Variants in DLGAP1 observed in about 807,000 individuals in gnomAD.
The protein encoded by DLGAP1 is disks large-associated protein 1.
Under a neutral mutation model 90.8 loss-of-function variants are expected in DLGAP1, and 11 were observed. The observed-to-expected ratio is 0.12, with a 90% CI of 0.08 to 0.20. The LOEUF (loss-of-function observed/expected upper bound fraction) is 0.20. Among genes scored for constraint, DLGAP1 ranks in the 10% least tolerant of loss-of-function variants. DLGAP1 has a pLI of 1.00. For missense variants in DLGAP1, 1,050 were observed against 1,333.8 expected (o/e 0.79, Z 3.31); for synonymous variants, 558 against 540.7 (o/e 1.03, Z -0.44).
chr18:4,248,235 C>A (rs1598721903), intron 1 of DLGAP1, among the ~76,000 whole-genome samples: 1 of 152,258 alleles, frequency 6.6e-6, no homozygotes, highest in African/African-American at 2.4e-5. Context: ...AGCATGAATG[C>A]TGACTTTAAA....
chr18:3,905,743 AGT>A (rs1281360504), intron 3 of DLGAP1, among the ~76,000 whole-genome samples: 2 of 152,210 alleles, frequency 1.3e-5, no homozygotes, highest in East Asian at 3.8e-4. Context: ...AGATCCCCAA[AGT>A]GTGTTATGTG....
intron 2 of DLGAP1, among the ~76,000 whole-genome samples, chr18:4,008,171 C>CA (rs2074342707): frequency 6.6e-6 from 1 of 151,478 alleles, no homozygotes; most frequent in Admixed American, 6.6e-5. Flanking sequence ...TCAGTGGATG[C>CA]CTGATGCCCC....
At position 3,499,637 on chromosome 18, in the gene DLGAP1, C is replaced by T. The variant is rs538852439; in HGVS notation, c.2725-243G>A. Among the ~76,000 whole-genome samples the T allele has an allele frequency of 6.6e-6, 1 of 152,062 alleles. No individual in the cohort carries two copies. Among genetic ancestry groups the T allele is most frequent in the African/African-American group, 2.4e-5 (1 of 41,408 alleles). On this transcript the variant is annotated intron_variant, in intron 12 of 12. Transcript: ENST00000315677. The surrounding 1 kb of genome is among the most constrained non-coding windows in gnomAD (Gnocchi z 6.4). ...GGCTGGGTTGCAGAACTAGGTCTCTCCAAGGGAAGGAAGTGGGTATTTTAA... is the reference window on the plus strand; with the variant it reads ...GGCTGGGTTGCAGAACTAGGTCTCTTCAAGGGAAGGAAGTGGGTATTTTAA...
chr18:3,788,943 GA>G (rs1439936511), intron 5 of DLGAP1, among the ~76,000 whole-genome samples: 1 of 152,234 alleles, frequency 6.6e-6, no homozygotes, highest in African/African-American at 2.4e-5. Flanking sequence ...GTTCTGTGGT[GA>G]TATTACAGCT....
intron 2 of DLGAP1, among the ~76,000 whole-genome samples, chr18:4,085,010 G>C (rs1258311464): frequency 2.0e-5 from 3 of 152,180 alleles, no homozygotes; most frequent in South Asian, 4.1e-4. Context: ...ACTGCAGACT[G>C]CAAGTCTATG....
intron 1 of DLGAP1, among the ~76,000 whole-genome samples, chr18:4,341,991 T>C: frequency 6.6e-6 from 1 of 152,170 alleles, no homozygotes. Context: ...AATCTCATTT[T>C]ATCCACAAGT....
chr18:4,138,582 T>C (rs1175266071), intron 2 of DLGAP1, among the ~76,000 whole-genome samples: 1 of 152,058 alleles, frequency 6.6e-6, no homozygotes, highest in African/African-American at 2.4e-5. Flanking sequence ...ATAAGGGATA[T>C]TGACCAGTAG....
chr18:4,447,827 C>T (rs1052294377), intron 1 of DLGAP1, among the ~76,000 whole-genome samples: 1 of 152,190 alleles, frequency 6.6e-6, no homozygotes, highest in African/African-American at 2.4e-5. Context: ...CCTCTTCATG[C>T]TTCTCTCTGT....
chr18:3,889,580 T>C (rs1226324145), intron 3 of DLGAP1, among the ~76,000 whole-genome samples: 3 of 152,208 alleles, frequency 2.0e-5, no homozygotes, highest in Non-Finnish European at 4.4e-5. Context: ...GCTGTTCAGC[T>C]GACACCTGCT....
At chr18:4,141,947 C>A (rs550545862) in intron 2 of DLGAP1, among the ~76,000 whole-genome samples, 2 of 152,200 alleles carry the variant, frequency 1.3e-5, no homozygotes, top group South Asian at 2.1e-4. Context: ...GGTCACATAT[C>A]TCTGTATCTC....
At chr18:3,701,916 T>C (rs148925893) in intron 7 of DLGAP1, among the ~76,000 whole-genome samples, 2 of 152,156 alleles carry the variant, frequency 1.3e-5, no homozygotes, top group Non-Finnish European at 2.9e-5. Flanking sequence ...CGGAGAGACA[T>C]AGGGAGTTCT....
chr18:4,410,144 G>A (rs749526598), intron 1 of DLGAP1, among the ~76,000 whole-genome samples: 1 of 152,092 alleles, frequency 6.6e-6, no homozygotes, highest in African/African-American at 2.4e-5. Context: ...AATAGACTTC[G>A]GGTACTTGGG....
intron 2 of DLGAP1, among the ~76,000 whole-genome samples, chr18:4,124,136 A>T (rs1346336970): frequency 6.6e-6 from 1 of 152,202 alleles, no homozygotes; most frequent in Non-Finnish European, 1.5e-5. Context: ...CCAATCTGAC[A>T]TATGAGTATC....
In DLGAP1 at chr18:3,529,164, G is replaced by T. The variant is rs183442838; in HGVS notation, c.2479+5030C>A. Reference sequence around the variant, plus strand: ...AAACCTAATTACCAATGTATAAATAGTAAGACAGGGGGCCTATAGGAGGTG... The same window carrying T: ...AAACCTAATTACCAATGTATAAATATTAAGACAGGGGGCCTATAGGAGGTG... On this transcript the variant is annotated intron_variant, in intron 10 of 12. Transcript: ENST00000315677. Among the ~76,000 whole-genome samples, 33 of 152,324 alleles carry T rather than the reference G, an allele frequency of 2.2e-4. 2 individuals are homozygous for T. Among genetic ancestry groups the T allele is most frequent in the Admixed American group, 2.0e-3 (30 of 15,310 alleles).
chr18:3,972,518 C>CTCTT (rs2073475101), intron 3 of DLGAP1, among the ~76,000 whole-genome samples: 1 of 151,900 alleles, frequency 6.6e-6, no homozygotes, highest in Non-Finnish European at 1.5e-5. Flanking sequence ...CTCTCTCTCT[C>CTCTT]TCTCTTTCTT....
At chr18:3,590,419 T>C (rs1489301587) in intron 7 of DLGAP1, among the ~76,000 whole-genome samples, 1 of 152,176 alleles carries the variant, frequency 6.6e-6, no homozygotes, top group African/African-American at 2.4e-5. Context: ...TTCCCCCCTG[T>C]GGATTTTCTT....
intron 8 of DLGAP1, among the ~76,000 whole-genome samples, chr18:3,571,985 T>C (rs1392373812): frequency 2.6e-5 from 4 of 152,046 alleles, no homozygotes; most frequent in Non-Finnish European, 5.9e-5. Flanking sequence ...TGATAATATA[T>C]AGATAAGTTA....
At chr18:3,888,346 C>T (rs1017603053) in intron 3 of DLGAP1, among the ~76,000 whole-genome samples, 4 of 152,022 alleles carry the variant, frequency 2.6e-5, no homozygotes, top group Admixed American at 6.5e-5. Context: ...TTTGAATAAG[C>T]ACATTCTGAA....
chr18:4,342,967 G>A lies in DLGAP1; in HGVS notation c.-267+112039C>T, dbSNP rs571510927. ...AAGCTCACGGATTATTTCAGATTCA[G>A]GATTGTACTGGGATAAATATAATCT... On this transcript the variant is annotated intron_variant, in intron 1 of 12. Transcript: ENST00000315677. The surrounding 1 kb of genome is among the most constrained non-coding windows in gnomAD (Gnocchi z 5.8). 6.6e-6 allele frequency among the ~76,000 whole-genome samples: 1 copy of A among 152,250 alleles called. No homozygotes were observed. Among genetic ancestry groups the A allele is most frequent in the South Asian group, 2.1e-4 (1 of 4,830 alleles).
Sources: gnomAD v4.1 joint callset for allele counts (sites outside exome capture counted in the v4.1 genomes callset) on GRCh38, gnomAD v4.1.1 for gene constraint, Gnocchi (gnomAD v3.1) non-coding constraint, MANE v1.5 for transcripts, NCBI Gene and HGNC (gene_info 2026-07-23, HGNC 2026-07-21) for gene names.